Variants in DDR2 observed in about 807,000 individuals in gnomAD.
The protein encoded by DDR2 is discoidin domain receptor tyrosine kinase 2.
In DDR2, 27 loss-of-function variants were observed where a neutral mutation model predicts 94.9. That is an observed-to-expected ratio of 0.28 (90% CI 0.21 to 0.39). The LOEUF (loss-of-function observed/expected upper bound fraction) is 0.39. DDR2 is among the 10% of genes least tolerant of loss of function. DDR2 has a pLI of 1.00. For missense variants in DDR2, 783 were observed against 1,076.0 expected (o/e 0.73, Z 3.81); for synonymous variants, 382 against 377.2 (o/e 1.01, Z -0.15).
At chr1:162,728,849 T>G (rs1661854025) in intron 3 of DDR2, among the ~76,000 whole-genome samples, 1 of 152,088 alleles carries the variant, frequency 6.6e-6, no homozygotes, top group Non-Finnish European at 1.5e-5. Context: ...AGATCTAGAT[T>G]CTAGTTCCAG....
At chr1:162,686,421 T>A (rs1331776873) in intron 2 of DDR2, among the ~76,000 whole-genome samples, 1 of 152,138 alleles carries the variant, frequency 6.6e-6, no homozygotes, top group Non-Finnish European at 1.5e-5. Context: ...CCTGTGTCCA[T>A]GTGTCCTCAT....
At chr1:162,696,520 C>A (rs940744026) in intron 2 of DDR2, among the ~76,000 whole-genome samples, 2 of 151,864 alleles carry the variant, frequency 1.3e-5, no homozygotes, top group Non-Finnish European at 2.9e-5. Flanking sequence ...CAGGCTCCTG[C>A]CTGTTTCAGC....
rs1351483196 is a variant in DDR2 at position 162,727,965 on chromosome 1, A to ATC, written c.82+8821_82+8822insCT. 8.9e-4 allele frequency among the ~76,000 whole-genome samples: 121 copies of ATC among 136,214 alleles called. 5 individuals are homozygous for ATC. The highest frequency in any genetic ancestry group is 3.7e-3 in the Middle Eastern group (1 of 270). The allele number at this position is 136,214 out of a possible 152,430, so 89.4% of individuals were successfully genotyped here. On this transcript the variant is annotated intron_variant, in intron 3 of 17. Coordinates refer to ENST00000367921, the MANE Select transcript of DDR2 (RefSeq NM_006182.4). ...CGACAATCACACTATATATATCTAT[A>ATC]TATATATATATAGATATAATCACAC... is the stretch of plus-strand genomic sequence containing the variant.
chr1:162,778,433 T>C (rs1489934988), intron 16 of DDR2, 147 bp from the exon 17 acceptor site: 13 of 979,338 alleles, frequency 1.3e-5, no homozygotes, highest in Admixed American at 7.1e-5. Flanking sequence ...GAATGGGCTG[T>C]TTCTAAATAC....
rs527246756 is a variant in DDR2 at position 162,780,053 on chromosome 1, G to A, written c.2434-59G>A. 9.3e-5 allele frequency: 150 copies of A among 1,609,886 alleles called. 2 individuals carry two copies. In the South Asian group the frequency reaches 1.3e-3, roughly 14 times the overall value. On this transcript the variant is annotated intron_variant, in intron 17 of 17. Transcript: ENST00000367921. ...ATGCAAAGATACTTCCCTTTCCCCCGTCTTTGTAATATTCTCTCTCTCTCT... is the reference window on the plus strand; with the variant it reads ...ATGCAAAGATACTTCCCTTTCCCCCATCTTTGTAATATTCTCTCTCTCTCT...
intron 1 of DDR2, among the ~76,000 whole-genome samples, chr1:162,648,734 A>G (rs1425287708): frequency 6.6e-6 from 1 of 152,178 alleles, no homozygotes; most frequent in Non-Finnish European, 1.5e-5. Context: ...AGCCAGAGGG[A>G]TGTGGAAGGA....
At chr1:162,690,655 TA>T (rs1553244113) in intron 2 of DDR2, among the ~76,000 whole-genome samples, 1 of 152,220 alleles carries the variant, frequency 6.6e-6, no homozygotes, top group Non-Finnish European at 1.5e-5. Context: ...CATCTTTTTA[TA>T]AACATAAAAA....
intron 2 of DDR2, among the ~76,000 whole-genome samples, chr1:162,662,208 T>C (rs1386510361): frequency 6.6e-6 from 1 of 152,228 alleles, no homozygotes; most frequent in Non-Finnish European, 1.5e-5. Context: ...TATTCATTCA[T>C]TCATTCATTC....
intron 11 of DDR2, among the ~76,000 whole-genome samples, chr1:162,769,648 C>A (rs569568897): frequency 1.3e-5 from 2 of 152,278 alleles, no homozygotes; most frequent in South Asian, 4.1e-4. Flanking sequence ...TGGCATTTGC[C>A]TTTTGATGGA....
chr1:162,747,684 A>G (rs1452699429), intron 3 of DDR2, among the ~76,000 whole-genome samples: 1 of 152,170 alleles, frequency 6.6e-6, no homozygotes, highest in Non-Finnish European at 1.5e-5. Flanking sequence ...GAGCAACCCC[A>G]AGACACATAA....
chr1:162,780,065 T>C (rs749292827), intron 17 of DDR2, 47 bp from the exon 18 acceptor site: 1 of 1,577,954 alleles, frequency 6.3e-7, no homozygotes, highest in Non-Finnish European at 8.7e-7. Flanking sequence ...CTTTGTAATA[T>C]TCTCTCTCTC....
intron 2 of DDR2, among the ~76,000 whole-genome samples, chr1:162,664,013 TGA>T (rs1658427967): frequency 6.6e-6 from 1 of 152,008 alleles, no homozygotes; most frequent in Non-Finnish European, 1.5e-5. Context: ...TCCAAGAGTC[TGA>T]GAGGCTGGGG....
At chr1:162,765,680 T>G (rs1225866773) in intron 9 of DDR2, among the ~76,000 whole-genome samples, 1 of 151,594 alleles carries the variant, frequency 6.6e-6, no homozygotes, top group East Asian at 1.9e-4. Context: ...TGTCTATATT[T>G]TCACTGAATT....
At chr1:162,757,185 CA>C (rs1457305812) in intron 7 of DDR2, among the ~76,000 whole-genome samples, 1 of 152,142 alleles carries the variant, frequency 6.6e-6, no homozygotes, top group Non-Finnish European at 1.5e-5. Flanking sequence ...CTGTTTGCTA[CA>C]AGGCTTAAGG....
At chr1:162,772,448 T>C (rs539027453) in intron 13 of DDR2, 8 of 622,410 alleles carry the variant, frequency 1.3e-5, no homozygotes, top group African/African-American at 3.7e-5. Flanking sequence ...GGACTTCTGA[T>C]TTCTATATAG....
chr1:162,707,425 C>T (rs1473773356), intron 2 of DDR2, among the ~76,000 whole-genome samples: 1 of 152,206 alleles, frequency 6.6e-6, no homozygotes, highest in Non-Finnish European at 1.5e-5. Flanking sequence ...CCTCTTTCAA[C>T]AGCTGGATGT....
At chr1:162,667,320 G>A (rs1571169330) in intron 2 of DDR2, among the ~76,000 whole-genome samples, 1 of 152,246 alleles carries the variant, frequency 6.6e-6, no homozygotes, top group African/African-American at 2.4e-5. Context: ...GTTATTCTGT[G>A]TTACAGATGA....
chr1:162,734,547 A>G (rs958951691), intron 3 of DDR2, among the ~76,000 whole-genome samples: 1 of 152,228 alleles, frequency 6.6e-6, no homozygotes, highest in Non-Finnish European at 1.5e-5. Context: ...ATAAGAGCAT[A>G]TAATAGAAAT....
chr1:162,686,962 G>T (rs761985686), intron 2 of DDR2, among the ~76,000 whole-genome samples: 3 of 152,222 alleles, frequency 2.0e-5, no homozygotes, highest in Admixed American at 6.5e-5. Flanking sequence ...TGCAGAGTTG[G>T]CTGTGTTAAA....
Sources: gnomAD v4.1 joint callset for allele counts (sites outside exome capture counted in the v4.1 genomes callset) on GRCh38, gnomAD v4.1.1 for gene constraint, MANE v1.5 for transcripts, NCBI Gene and HGNC (gene_info 2026-07-23, HGNC 2026-07-21) for gene names.